TIAM2: variants seen among roughly 807,000 people sequenced by gnomAD.
TIAM2 encodes rho guanine nucleotide exchange factor TIAM2.
Under a neutral mutation model 152.9 loss-of-function variants are expected in TIAM2, and 80 were observed. The observed-to-expected ratio is 0.52, with a 90% confidence interval of 0.44 to 0.63. TIAM2 has a LOEUF of 0.63. Among genes scored for constraint, TIAM2 ranks in the 30% least tolerant of loss-of-function variants. The pLI is 0.00. For missense variants in TIAM2, 1,965 were observed against 2,120.1 expected (o/e 0.93, Z 1.44); for synonymous variants, 804 against 838.0 (o/e 0.96, Z 0.70).
intron 1 of TIAM2, among the ~76,000 whole-genome samples, chr6:155,064,479 G>T (rs1215558226): frequency 6.6e-6 from 1 of 152,170 alleles, no homozygotes; most frequent in African/African-American, 2.4e-5. Context: ...GTTTGAGCTG[G>T]AATTTGGCCT....
chr6:154,999,672 T>A (rs1034617600), intron 1 of TIAM2, among the ~76,000 whole-genome samples: 2 of 152,104 alleles, frequency 1.3e-5, no homozygotes, highest in Non-Finnish European at 2.9e-5. Context: ...TCTTGTAACT[T>A]CTTTTTTTAT....
intron 26 of TIAM2, chr6:155,256,212 T>C (rs1449690348): frequency 3.5e-6 from 2 of 577,004 alleles, no homozygotes; most frequent in Non-Finnish European, 6.1e-6. Context: ...TCTTAGCCCA[T>C]GTAGTAGTTT....
rs189132090 is a variant in TIAM2 at position 155,118,712 on chromosome 6, G to A, written c.-117-8778G>A. On this transcript the variant is annotated intron_variant, in intron 2 of 26. Transcript: ENST00000682666. ...GGCCTCTCAGTGTGTTGCGATTACA[G>A]GCGTGAGCCACCGCGCACGGCCTTC... Among the ~76,000 whole-genome samples, 72 of 152,064 alleles carry A rather than the reference G, an allele frequency of 4.7e-4. 1 individual carries two copies. The highest frequency in any genetic ancestry group is 3.8e-3 in the Admixed American group (58 of 15,288).
intron 2 of TIAM2, among the ~76,000 whole-genome samples, chr6:155,114,036 A>ATATATTTTTTTTTTT: frequency 3.2e-4 from 11 of 34,902 alleles, no homozygotes; most frequent in South Asian, 1.4e-3. Flanking sequence ...ATATATATAT[A>ATATATTTTTTTTTTT]TTTTTTTTTT....
chr6:155,025,821 A>AACACACACACAC (rs58173623), intron 1 of TIAM2, among the ~76,000 whole-genome samples: 4 of 131,782 alleles, frequency 3.0e-5, no homozygotes, highest in African/African-American at 5.7e-5. Context: ...CTCCCCCTCA[A>AACACACACACAC]ACACACACAC....
chr6:155,180,355 T>C (rs1780869973), intron 12 of TIAM2, among the ~76,000 whole-genome samples: 1 of 152,214 alleles, frequency 6.6e-6, no homozygotes, highest in Non-Finnish European at 1.5e-5. Context: ...CATCATTTCC[T>C]ACATTTCTCC....
At chr6:155,168,584 T>G (rs1050840150) in intron 9 of TIAM2, among the ~76,000 whole-genome samples, 4 of 152,146 alleles carry the variant, frequency 2.6e-5, no homozygotes, top group Non-Finnish European at 1.5e-5. Context: ...CTTGAACTCC[T>G]GACCTCAGGT....
rs188955710 is a variant in TIAM2 at position 155,180,918 on chromosome 6, T to C, written c.2708-1308T>C. 3.6e-3 allele frequency among the ~76,000 whole-genome samples: 546 copies of C among 152,256 alleles called. 7 individuals are homozygous for C. The highest frequency in any genetic ancestry group is 0.012 in the African/African-American group (483 of 41,552). ...GCCACTGTGCCCGGACCCCATGTTA[T>C]GTTGGTTTTTCCTTTGAAGCCCTCT... On this transcript the variant is annotated intron_variant, in intron 12 of 26. Transcript: ENST00000682666.
chr6:155,104,689 G>A (rs980763582), intron 2 of TIAM2, among the ~76,000 whole-genome samples: 8 of 151,808 alleles, frequency 5.3e-5, no homozygotes, highest in East Asian at 1.9e-4. Flanking sequence ...CCCGGGAGGC[G>A]GAGGTTGCCG....
rs964609595 is a variant in TIAM2 at position 155,156,271 on chromosome 6, T to A, written c.2028+7937T>A. The stretch of plus-strand genomic sequence containing the variant: ...CAGGGGAAGTAGGACTGTCTGTCAC[T>A]CTCTCCTCCCGGTACCACTGCAGAA... On this transcript the variant is annotated intron_variant, in intron 7 of 26. Transcript: ENST00000682666. The surrounding 1 kb of genome is among the most constrained non-coding windows in gnomAD (Gnocchi z 4.4). 7.2e-5 allele frequency among the ~76,000 whole-genome samples: 11 copies of A among 152,090 alleles called. No individual in the cohort carries two copies. Among genetic ancestry groups the A allele is most frequent in the African/African-American group, 2.7e-4 (11 of 41,422 alleles).
intron 2 of TIAM2, among the ~76,000 whole-genome samples, chr6:155,105,846 A>G (rs546715417): frequency 6.6e-6 from 1 of 152,238 alleles, no homozygotes; most frequent in Admixed American, 6.5e-5. Context: ...TAGAATATGT[A>G]CATTTTGAAA....
Position 155,248,143 on chromosome 6 carries a change from A to G in TIAM2, c.3796A>G (p.Thr1266Ala), listed in dbSNP as rs760929590. ...PLLLKELVSL[T>A]DQESEEHYHL... ...GCTGCTCAAGGAGCTGGTGTCCCTG[A>G]CGGACCAGGAGAGCGAGGAGCACTA... Residue 1266 changes from threonine (T) to alanine (A), a missense_variant, in exon 20 of 27, where the codon ACG becomes GCG. Physicochemically the swap from Thr to Ala is moderately conservative, Grantham distance 58. Coordinates refer to ENST00000682666, the MANE Select transcript of TIAM2 (RefSeq NM_012454.4). 1.2e-6 allele frequency: 2 copies of G among 1,614,068 alleles called. No homozygotes were observed. The highest frequency in any genetic ancestry group is 1.7e-6 in the Non-Finnish European group (2 of 1,180,008).
chr6:154,998,203 A>G (rs142632163), intron 1 of TIAM2, among the ~76,000 whole-genome samples: 13 of 152,278 alleles, frequency 8.5e-5, no homozygotes, highest in African/African-American at 3.1e-4. Flanking sequence ...TACGTGTCTA[A>G]TCGTGATTTG....
intron 2 of TIAM2, among the ~76,000 whole-genome samples, chr6:155,091,786 T>G (rs912267166): frequency 1.3e-5 from 2 of 152,220 alleles, no homozygotes; most frequent in Non-Finnish European, 2.9e-5. Flanking sequence ...TCAAAACTAC[T>G]GCTGAAATAC....
At chr6:155,056,311 G>A (rs1257444824) in intron 1 of TIAM2, among the ~76,000 whole-genome samples, 5 of 151,036 alleles carry the variant, frequency 3.3e-5, no homozygotes, top group African/African-American at 4.9e-5. Context: ...AGCTGGGACT[G>A]TCGGCGCCTA....
Position 155,129,087 on chromosome 6 carries a change from C to A in TIAM2, c.-6-131C>A. 1.3e-6 allele frequency: 1 copy of A among 789,918 alleles called. No individual in the cohort carries two copies. The highest frequency in any genetic ancestry group is 2.0e-6 in the Non-Finnish European group (1 of 505,518). 48.9% of individuals were successfully genotyped at this position (789,918 alleles called of 1,614,324 possible). On this transcript the variant is annotated intron_variant, in intron 3 of 26. Transcript: ENST00000682666. The surrounding 1 kb of genome is among the most constrained non-coding windows in gnomAD (Gnocchi z 4.8). ...GCCTGTTCTACTGACTGACTCTTGTCCCTACTCCTCTGAGTCCTTCCAGGC... is the reference window on the plus strand; with the variant it reads ...GCCTGTTCTACTGACTGACTCTTGTACCTACTCCTCTGAGTCCTTCCAGGC...
Position 155,164,517 on chromosome 6 carries a change from A to G in TIAM2, c.2131A>G (p.Ser711Gly). ...AGGTGGGGAGTTACCGAACCCAAAG[A>G]GTCTCCTTGCAGCCGCCAGCCGCCC... is the stretch of plus-strand genomic sequence containing the variant. Reference protein sequence around the residue: ...LQGGELPNPKSLLAAASRPSK... With the variant: ...LQGGELPNPKGLLAAASRPSK... Residue 711 changes from serine (S) to glycine (G), a missense_variant, in exon 8 of 27, where the codon AGT becomes GGT. Physicochemically the swap from Ser to Gly is moderately conservative, Grantham distance 56. Around this residue, in one of 3 missense-constraint regions of TIAM2, gnomAD observed 1,025 missense variants for 1,119.4 expected, o/e 0.92. Coordinates refer to ENST00000682666, the MANE Select transcript of TIAM2 (RefSeq NM_012454.4). The G allele has an allele frequency of 6.2e-7, 1 of 1,614,094 alleles. No individual in the cohort carries two copies. Among genetic ancestry groups the G allele is most frequent in the Non-Finnish European group, 8.5e-7 (1 of 1,180,024 alleles).
At chr6:155,219,482 T>A (rs954226709) in intron 15 of TIAM2, among the ~76,000 whole-genome samples, 1 of 152,194 alleles carries the variant, frequency 6.6e-6, no homozygotes, top group African/African-American at 2.4e-5. Context: ...CACCAGCCCA[T>A]ATGCCTTATT....
chr6:155,209,742 T>C (rs1781678460), intron 14 of TIAM2, among the ~76,000 whole-genome samples: 1 of 152,134 alleles, frequency 6.6e-6, no homozygotes, highest in Admixed American at 6.5e-5. Context: ...AGAAAAAAAT[T>C]GGAGCTGCAG....
Sources: allele counts gnomAD v4.1 joint callset (sites outside exome capture counted in the v4.1 genomes callset), GRCh38; gene constraint gnomAD v4.1.1; regional missense constraint gnomAD v4.1.1; non-coding constraint Gnocchi (gnomAD v3.1); transcripts MANE v1.5; gene names NCBI Gene and HGNC (gene_info 2026-07-23, HGNC 2026-07-21).